The following FBXL18 variants were observed in gnomAD, a reference collection of about 807,000 sequenced individuals.
The protein encoded by FBXL18 is F-box/LRR-repeat protein 18.
FBXL18 carries 36 observed loss-of-function variants against 46.0 expected under a neutral mutation model. The observed-to-expected ratio is 0.78, with a 90% CI of 0.60 to 1.03. FBXL18 has a LOEUF of 1.03. Ranked by LOEUF, FBXL18 falls within the 50% of genes least tolerant of loss-of-function variation. FBXL18 has a pLI of 0.00. For synonymous variants in FBXL18, 557 were observed against 465.3 expected, an observed-to-expected ratio of 1.20 and a Z score of -2.54; for missense variants, 977 against 1,004.1, an observed-to-expected ratio of 0.97 and a Z score of 0.36.
At position 5,459,084 on chromosome 7, in the gene FBXL18, T is replaced by C. The variant is rs1413386601; in HGVS notation, c.2001-11241A>G. Among the ~76,000 whole-genome samples the C allele has an allele frequency of 2.0e-5, 3 of 151,986 alleles. No homozygotes were observed. The East Asian group carries it at 5.8e-4, about 29-fold the overall frequency. ...TAGAGGACTGCCTGAGGCCAGGAAGTCGAGGCTGCAGTGAGACATGATCAT... is the reference window on the plus strand; with the variant it reads ...TAGAGGACTGCCTGAGGCCAGGAAGCCGAGGCTGCAGTGAGACATGATCAT... On this transcript the variant is annotated intron_variant and NMD_transcript_variant, in intron 4 of 6. Coordinates refer to the FBXL18 transcript ENST00000415009.
chr7:5,482,582 C>T lies in FBXL18; in HGVS notation c.2001-651G>A, dbSNP rs770719667. ...TGCACAATTGCCACGGGGTGCCCAC[C>T]GAGTGCCAGACGCTGCATTGAGCTC... On this transcript the variant is annotated intron_variant, in intron 4 of 4. Transcript: ENST00000382368. 4.7e-4 allele frequency among the ~76,000 whole-genome samples: 72 copies of T among 151,700 alleles called. 1 individual carries two copies. The Middle Eastern group carries it at 0.01, about 21-fold the overall frequency.
At chr7:5,483,075 A>T (rs1783688784) in intron 4 of FBXL18, among the ~76,000 whole-genome samples, 1 of 151,430 alleles carries the variant, frequency 6.6e-6, no homozygotes, top group South Asian at 2.1e-4. Context: ...AAGAAAATAC[A>T]AAGACGACCC....
intron 4 of FBXL18, among the ~76,000 whole-genome samples, chr7:5,487,747 C>T (rs928788977): frequency 1.3e-5 from 2 of 152,222 alleles, no homozygotes; most frequent in Non-Finnish European, 2.9e-5. Context: ...GGGGCACACA[C>T]GGGAGGCACA....
intron 2 of FBXL18, among the ~76,000 whole-genome samples, 182 bp downstream of exon 2, chr7:5,505,230 C>T (rs912043098): frequency 6.6e-6 from 1 of 152,118 alleles, no homozygotes; most frequent in African/African-American, 2.4e-5. Flanking sequence ...AGGCAGCACA[C>T]CACCCATGCT....
Position 5,505,402 on chromosome 7 carries a change from G to A in FBXL18, c.237+10C>T, listed in dbSNP as rs769011731. The A allele has an allele frequency of 9.3e-6, 15 of 1,612,666 alleles. No individual in the cohort carries two copies. Among genetic ancestry groups the A allele is most frequent in the South Asian group, 8.8e-5 (8 of 91,030 alleles). ...CTTGTTTCTCATCTCCTGCCCCCACGCCTGCTCACCTGATAGTCCTTTTGC... is the reference window on the plus strand; with the variant it reads ...CTTGTTTCTCATCTCCTGCCCCCACACCTGCTCACCTGATAGTCCTTTTGC... On this transcript the variant is annotated intron_variant, in intron 2 of 4. Transcript: ENST00000382368.
At position 5,491,305 on chromosome 7, in the gene FBXL18, C is replaced by G. The variant is rs781743869; in HGVS notation, c.1926G>C (p.Gln642His). 1 of 1,612,482 alleles carries G rather than the reference C, an allele frequency of 6.2e-7. No individual in the cohort carries two copies. The highest frequency in any genetic ancestry group is 8.5e-7 in the Non-Finnish European group (1 of 1,179,762). The change falls in exon 4 of 5, where the codon CAG becomes CAC. Residue 642 changes from glutamine to histidine, a missense_variant. Transcript: ENST00000382368. ...AVLAFMARCL[Q>H]VVMCHLFTGE... ...CGGTGAACAGGTGGCACATGACAACCTGCAGGCAGCGAGCCATGAAGGCCA... is the reference window on the plus strand; with the variant it reads ...CGGTGAACAGGTGGCACATGACAACGTGCAGGCAGCGAGCCATGAAGGCCA...
chr7:5,504,722 T>C (rs1178481130), intron 2 of FBXL18, among the ~76,000 whole-genome samples: 4 of 149,188 alleles, frequency 2.7e-5, no homozygotes, highest in South Asian at 4.2e-4. Flanking sequence ...GAGACCATCC[T>C]GGCTAACACA....
chr7:5,501,669 G>A lies in FBXL18; in HGVS notation c.600C>T (p.Tyr200=), dbSNP rs1479733854. Residue 200 remains tyrosine, a synonymous_variant, in exon 3 of 5, where the codon TAC becomes TAT. Coordinates refer to ENST00000382368, the MANE Select transcript of FBXL18 (RefSeq NM_024963.6). ...CGCGCGTGCGGTCCAGAATCTCGAA[G>A]TAGAGCAGCAGCTTCTCTAGGCTGG... ...CCTSLEKLLL[Y]FEILDRTREG... 3.7e-6 allele frequency: 6 copies of A among 1,609,922 alleles called. No homozygotes were observed. The highest frequency in any genetic ancestry group is 4.2e-6 in the Non-Finnish European group (5 of 1,177,900).
At chr7:5,513,581 C>A in intron 1 of FBXL18, 76 bp downstream of exon 1, 1 of 1,547,598 alleles carries the variant, frequency 6.5e-7, no homozygotes, top group African/African-American at 1.4e-5. Flanking sequence ...CAAGGGAACC[C>A]GGGTCGGGAT....
At chr7:5,462,950 C>CAAAAAAAAAAAAAAAAAAAAAAAAAAAAA (rs138208570) in intron 4 of FBXL18, among the ~76,000 whole-genome samples, 1 of 22,364 alleles carries the variant, frequency 4.5e-5, no homozygotes, top group Non-Finnish European at 9.4e-5. Flanking sequence ...GACTTGGTCT[C>CAAAAAAAAAAAAAAAAAAAAAAAAAAAAA]AAAAAAAAAA....
intron 4 of FBXL18, among the ~76,000 whole-genome samples, chr7:5,467,478 G>A (rs1429027627): frequency 1.3e-5 from 2 of 151,436 alleles, no homozygotes; most frequent in African/African-American, 4.9e-5. Flanking sequence ...CCTGGGAGGC[G>A]GAGGTTGCAG....
At chr7:5,457,970 G>T (rs1003606476) in intron 4 of FBXL18, among the ~76,000 whole-genome samples, 2 of 152,114 alleles carry the variant, frequency 1.3e-5, no homozygotes, top group African/African-American at 4.8e-5. Context: ...CCCAGCTGGA[G>T]AACTGCCCAC....
In FBXL18 at chr7:5,481,821, A is replaced by G; in HGVS notation, c.2111T>C (p.Leu704Ser). The stretch of plus-strand genomic sequence containing the variant: ...TTCCTCGGCCACTCTGCTCTTAAAT[A>G]AGGTGATCTCATCCAGGTGCACCAG... ...VPLVHLDEIT[L>S]FKSRVAEEPP... The change falls in exon 5 of 5, where the codon TTA becomes TCA. Residue 704 changes from leucine to serine, a missense_variant. Transcript: ENST00000382368. 1.2e-6 allele frequency: 2 copies of G among 1,613,694 alleles called. No individual in the cohort carries two copies. Among genetic ancestry groups the G allele is most frequent in the Non-Finnish European group, 1.7e-6 (2 of 1,179,972 alleles).
At chr7:5,506,549 C>T (rs1464569168) in intron 1 of FBXL18, among the ~76,000 whole-genome samples, 1 of 141,872 alleles carries the variant, frequency 7.0e-6, no homozygotes, top group African/African-American at 2.7e-5. Context: ...GCCACCATGC[C>T]CGGCTTTTTT....
chr7:5,505,772 A>G, intron 1 of FBXL18, 142 bp from the exon 2 acceptor site: 1 of 658,724 alleles, frequency 1.5e-6, no homozygotes, highest in Non-Finnish European at 2.6e-6. Context: ...TGAATGACAA[A>G]GAATTCACGA....
Position 5,500,804 on chromosome 7 carries a change from C to A in FBXL18, c.1465G>T (p.Glu489Ter), listed in dbSNP as rs776390510. The change falls in exon 3 of 5, where the codon GAG becomes TAG. Residue 489 changes from glutamate (E) to a stop codon, truncating the protein, a stop_gained. Coordinates refer to ENST00000382368, the MANE Select transcript of FBXL18 (RefSeq NM_024963.6). LOFTEE classifies it high-confidence loss of function. ...LKNLPFLEHLELIGSNFSSAM... is the reference protein window; with the variant it reads ...LKNLPFLEHL ...GAGGAGAAGTTGGACCCAATCAGCT[C>A]GAGGTGTTCCAGGAAGGGCAGGTTC... 1.2e-6 allele frequency: 2 copies of A among 1,612,460 alleles called. No individual in the cohort carries two copies. The highest frequency in any genetic ancestry group is 1.7e-6 in the Non-Finnish European group (2 of 1,179,780).
At position 5,460,171 on chromosome 7, in the gene FBXL18, T is replaced by C. The variant is rs145469940; in HGVS notation, c.2001-12328A>G. Among the ~76,000 whole-genome samples the C allele has an allele frequency of 2.2e-4, 34 of 151,928 alleles. 1 individual carries two copies. The East Asian group carries it at 6.6e-3, about 30-fold the overall frequency. On this transcript the variant is annotated intron_variant and NMD_transcript_variant, in intron 4 of 6. Coordinates refer to the FBXL18 transcript ENST00000415009. ...TGGGAGGCTGAGGCAGGAGAATCACTTGAACCTGGGAGGTGGAGGTTGCAG... is the reference window on the plus strand; with the variant it reads ...TGGGAGGCTGAGGCAGGAGAATCACCTGAACCTGGGAGGTGGAGGTTGCAG...
At chr7:5,467,892 T>C (rs965379042) in intron 4 of FBXL18, among the ~76,000 whole-genome samples, 1 of 152,002 alleles carries the variant, frequency 6.6e-6, no homozygotes, top group Non-Finnish European at 1.5e-5. Context: ...AGCAAAGCCC[T>C]GTCATTAAAA....
chr7:5,463,741 T>TTAA (rs1562672349), intron 4 of FBXL18, among the ~76,000 whole-genome samples: 2 of 46,204 alleles, frequency 4.3e-5, no homozygotes, highest in Non-Finnish European at 1.0e-4. Context: ...TTTTTTTTTT[T>TTAA]TTTTTTTTTT....
Sources: allele counts gnomAD v4.1 joint callset (sites outside exome capture counted in the v4.1 genomes callset), GRCh38; gene constraint gnomAD v4.1.1; transcripts MANE v1.5; gene names NCBI Gene and HGNC (gene_info 2026-07-23, HGNC 2026-07-21).